Variants in SPAG16 observed in about 807,000 individuals in gnomAD.
The protein encoded by SPAG16 is sperm associated antigen 16.
SPAG16 carries 86 observed loss-of-function variants against 80.4 expected under a neutral mutation model. The observed-to-expected ratio is 1.07, with a 90% CI of 0.90 to 1.28. The LOEUF (loss-of-function observed/expected upper bound fraction) is 1.28. Ranked by LOEUF, SPAG16 falls within the 50% of genes most tolerant of loss-of-function variation. The probability of loss-of-function intolerance (pLI) is 0.00; values close to 1 mark genes in which losing one functional copy is unlikely to be tolerated. For synonymous variants in SPAG16, 294 were observed against 265.9 expected (o/e 1.11, Z -1.03); for missense variants, 870 against 765.3 (o/e 1.14, Z -1.61).
At chr2:213,823,130 A>G (rs951725010) in intron 10 of SPAG16, among the ~76,000 whole-genome samples, 1 of 152,138 alleles carries the variant, frequency 6.6e-6, no homozygotes, top group Non-Finnish European at 1.5e-5. Flanking sequence ...CTGGTTCTAG[A>G]TCCTTGAGGA....
chr2:213,778,371 A>G (rs944479836), intron 10 of SPAG16, among the ~76,000 whole-genome samples: 4 of 152,220 alleles, frequency 2.6e-5, no homozygotes, highest in African/African-American at 7.2e-5. Context: ...AGGGGAACAC[A>G]CTTAAAAAAT....
chr2:213,781,766 A>G (rs2069991143), intron 10 of SPAG16, among the ~76,000 whole-genome samples: 1 of 152,182 alleles, frequency 6.6e-6, no homozygotes, highest in East Asian at 1.9e-4. Flanking sequence ...CATGAAGAAG[A>G]CTGCTCTTGA....
chr2:214,184,397 T>G (rs1389648786), intron 15 of SPAG16, among the ~76,000 whole-genome samples: 1 of 151,994 alleles, frequency 6.6e-6, no homozygotes, highest in Non-Finnish European at 1.5e-5. Context: ...AATTGCCAAT[T>G]TTTACTAGTT....
chr2:214,349,821 T>G (rs1311904351), intron 15 of SPAG16, among the ~76,000 whole-genome samples: 1 of 152,228 alleles, frequency 6.6e-6, no homozygotes, highest in African/African-American at 2.4e-5. Context: ...TTTGCATTTA[T>G]TTTATGACGA....
intron 6 of SPAG16, among the ~76,000 whole-genome samples, chr2:213,341,881 C>G (rs186880229): frequency 7.8e-4 from 119 of 152,124 alleles, no homozygotes; most frequent in African/African-American, 2.7e-3. Flanking sequence ...TATGAACGTG[C>G]TTATTTTCAG....
intron 9 of SPAG16, among the ~76,000 whole-genome samples, chr2:213,482,535 A>G (rs1002248438): frequency 6.6e-6 from 1 of 152,124 alleles, no homozygotes; most frequent in African/African-American, 2.4e-5. Context: ...TGATTCTTCT[A>G]ATTTTTTATT....
intron 10 of SPAG16, among the ~76,000 whole-genome samples, chr2:213,587,169 G>A (rs2060501948): frequency 6.6e-6 from 1 of 152,136 alleles, no homozygotes; most frequent in Non-Finnish European, 1.5e-5. Context: ...TGGAGACTCT[G>A]ACAATGAGGC....
At chr2:213,747,882 A>C (rs139483105) in intron 10 of SPAG16, among the ~76,000 whole-genome samples, 4 of 152,344 alleles carry the variant, frequency 2.6e-5, no homozygotes, top group African/African-American at 9.6e-5. Context: ...TGATGATCAA[A>C]ATCTTGCCAC....
At chr2:213,430,855 G>C (rs2070248381) in intron 9 of SPAG16, among the ~76,000 whole-genome samples, 1 of 152,170 alleles carries the variant, frequency 6.6e-6, no homozygotes, top group Non-Finnish European at 1.5e-5. Context: ...ACCTATAAAG[G>C]AAACTCTATC....
intron 8 of SPAG16, among the ~76,000 whole-genome samples, chr2:213,368,716 G>T (rs1450504280): frequency 6.6e-6 from 1 of 152,160 alleles, no homozygotes; most frequent in Non-Finnish European, 1.5e-5. Flanking sequence ...CTTCAGCAAA[G>T]TCTCAGGATA....
chr2:214,125,171 GA>G (rs1244190612), intron 14 of SPAG16, among the ~76,000 whole-genome samples: 1 of 151,476 alleles, frequency 6.6e-6, no homozygotes, highest in African/African-American at 2.4e-5. Flanking sequence ...CTGAGCTGGA[GA>G]AAGTTAGGAC....
intron 10 of SPAG16, among the ~76,000 whole-genome samples, chr2:213,491,996 G>C (rs576396952): frequency 1.6e-4 from 25 of 152,184 alleles, no homozygotes; most frequent in South Asian, 1.5e-3. Flanking sequence ...TGTGACTTTG[G>C]GACAACTTAC....
chr2:214,264,415 C>T (rs1187367012), intron 15 of SPAG16, among the ~76,000 whole-genome samples: 1 of 152,094 alleles, frequency 6.6e-6, no homozygotes, highest in Non-Finnish European at 1.5e-5. Context: ...GCCTAGACTG[C>T]CCTGCCCCTG....
At chr2:213,548,900 T>C (rs560879756) in intron 10 of SPAG16, among the ~76,000 whole-genome samples, 1 of 152,248 alleles carries the variant, frequency 6.6e-6, no homozygotes, top group Admixed American at 6.5e-5. Flanking sequence ...AGTTTTATGA[T>C]TGTATATTTT....
chr2:214,114,523 C>T (rs560613624), intron 14 of SPAG16, among the ~76,000 whole-genome samples: 3 of 152,198 alleles, frequency 2.0e-5, no homozygotes, highest in South Asian at 2.1e-4. Context: ...GCCCCTCCCC[C>T]TGCCAGGCTG....
In SPAG16 at chr2:213,304,009, C is replaced by T. The variant is rs866396321; in HGVS notation, c.280-6050C>T. Among the ~76,000 whole-genome samples the T allele has an allele frequency of 5.3e-5, 8 of 151,998 alleles. No homozygotes were observed. In the South Asian group the frequency reaches 1.5e-3, roughly 28 times the overall value. On this transcript the variant is annotated intron_variant, in intron 3 of 15. Transcript: ENST00000331683. ...AATTTACATTTCCACTAATGGTGTACGAGGGTTACTTTTTCTCCACATCCT... is the reference window on the plus strand; with the variant it reads ...AATTTACATTTCCACTAATGGTGTATGAGGGTTACTTTTTCTCCACATCCT...
At chr2:213,779,362 C>T (rs565111593) in intron 10 of SPAG16, among the ~76,000 whole-genome samples, 1 of 152,064 alleles carries the variant, frequency 6.6e-6, no homozygotes, top group Admixed American at 6.6e-5. Context: ...ATTAGAGTAA[C>T]CTTAACCTAA....
chr2:213,343,009 G>A (rs766935439), intron 6 of SPAG16, among the ~76,000 whole-genome samples: 6 of 152,012 alleles, frequency 3.9e-5, no homozygotes, highest in Non-Finnish European at 5.9e-5. Context: ...GCAGCATGGT[G>A]TACACAGAAG....
chr2:214,325,538 A>T (rs1696413738), intron 15 of SPAG16, among the ~76,000 whole-genome samples: 1 of 152,128 alleles, frequency 6.6e-6, no homozygotes, highest in South Asian at 2.1e-4. Flanking sequence ...ATTTGGAGGG[A>T]TAATATCTTC....
Sources: allele counts gnomAD v4.1 joint callset (sites outside exome capture counted in the v4.1 genomes callset), GRCh38; gene constraint gnomAD v4.1.1; transcripts MANE v1.5; gene names NCBI Gene and HGNC (gene_info 2026-07-23, HGNC 2026-07-21).